The following SYNJ1 variants were observed in gnomAD, a reference collection of about 807,000 sequenced individuals.
SYNJ1 encodes synaptojanin 1, also known as polyphosphatidylinositol phosphatase SYNJ1.
A neutral mutation model predicts 168.2 loss-of-function variants in SYNJ1; 78 were observed. The ratio of observed to expected loss-of-function variants is 0.46; its 90% CI spans 0.39 to 0.56. SYNJ1 has a LOEUF of 0.56. SYNJ1 is among the 20% of genes least tolerant of loss of function. The probability of loss-of-function intolerance (pLI) is 0.00; values close to 1 mark genes in which losing one functional copy is unlikely to be tolerated. For synonymous variants in SYNJ1, 539 were observed against 548.6 expected (o/e 0.98, Z 0.24); for missense variants, 1,303 against 1,597.6 (o/e 0.82, Z 3.14).
rs1396750568 is a variant in SYNJ1, at chr21:32,713,732, A to ATCAACATGGATGATTTCCCATATG, written c.125-11709_125-11686dup. Among the ~76,000 whole-genome samples, 50 of 142,978 alleles carry ATCAACATGGATGATTTCCCATATG rather than the reference A, an allele frequency of 3.5e-4. 23 individuals carry two copies. Among genetic ancestry groups the ATCAACATGGATGATTTCCCATATG allele is most frequent in the East Asian group, 1.3e-3 (6 of 4,564 alleles). 93.8% of individuals were successfully genotyped at this position (142,978 alleles called of 152,430 possible). ...TATCAACATGGATGATTTCCCATAT[A>ATCAACATGGATGATTTCCCATATG]TCAACATGGATGATTTCCCATATGT... On this transcript the variant is annotated intron_variant, in intron 2 of 32. Transcript: ENST00000674351.
chr21:32,702,249 C>A (rs1299196445), intron 2 of SYNJ1, among the ~76,000 whole-genome samples: 1 of 152,180 alleles, frequency 6.6e-6, no homozygotes, highest in Non-Finnish European at 1.5e-5. Context: ...ATTAATTAAT[C>A]CATCCTGTCC....
intron 2 of SYNJ1, among the ~76,000 whole-genome samples, chr21:32,726,077 C>T (rs554527748): frequency 6.6e-6 from 1 of 152,250 alleles, no homozygotes; most frequent in South Asian, 2.1e-4. Context: ...CCGCCTCAAG[C>T]GATCAGCCCC....
chr21:32,634,833 C>T, intron 32 of SYNJ1, 28 bp downstream of exon 32: 1 of 1,612,554 alleles, frequency 6.2e-7, no homozygotes, highest in Non-Finnish European at 8.5e-7. Context: ...GATGAAAACA[C>T]ATGTAAGATT....
In SYNJ1 at chr21:32,657,778, C is replaced by T. The variant is rs748767686; in HGVS notation, c.2399G>A (p.Arg800His). 7.4e-6 allele frequency: 12 copies of T among 1,614,096 alleles called. No homozygotes were observed. The highest frequency in any genetic ancestry group is 5.0e-5 in the Admixed American group (3 of 60,016). Residue 800 changes from arginine (R) to histidine (H), a missense_variant, in exon 19 of 33, where the codon CGC becomes CAC. By Grantham distance (29) the Arg-to-His change is conservative. This residue lies in a region of SYNJ1 where 920 missense variants were observed against 1,208.8 expected (regional missense o/e 0.76). Transcript: ENST00000674351. The stretch of plus-strand genomic sequence containing the variant: ...GACACGGTCTGTCCAGGCAGGGGTG[C>T]GGCACTTTTCACTGGTGTCATAGTC... ...SDDYDTSEKC[R>H]TPAWTDRVLW...
chr21:32,690,601 A>G (rs2041987165), intron 6 of SYNJ1, among the ~76,000 whole-genome samples: 1 of 152,220 alleles, frequency 6.6e-6, no homozygotes. Context: ...CAATTAAAAA[A>G]AAGTTGCGGC....
chr21:32,683,787 A>G (rs996286924), intron 10 of SYNJ1, among the ~76,000 whole-genome samples: 1 of 152,142 alleles, frequency 6.6e-6, no homozygotes, highest in Non-Finnish European at 1.5e-5. Flanking sequence ...TATAAACAGC[A>G]GATTTTAAAA....
Position 32,629,149 on chromosome 21 carries a change from A to G in SYNJ1, c.*2656T>C, listed in dbSNP as rs982437286. ...TATTTTAGACAGTAGTTTATATTCAATAGGAAACATTGCTCACAGATCTGC... is the reference window on the plus strand; with the variant it reads ...TATTTTAGACAGTAGTTTATATTCAGTAGGAAACATTGCTCACAGATCTGC... On this transcript the variant is annotated 3_prime_UTR_variant, in exon 33 of 33. Transcript: ENST00000674351. 2 of 152,666 alleles carry G rather than the reference A, an allele frequency of 1.3e-5. No homozygotes were observed. Among genetic ancestry groups the G allele is most frequent in the Non-Finnish European group, 2.9e-5 (2 of 68,044 alleles). 9.5% of individuals were successfully genotyped at this position (152,666 alleles called of 1,614,324 possible). A position where few individuals can be genotyped will look rare whatever the true frequency, so the allele number is the denominator to read the frequency against.
chr21:32,695,415 C>T (rs2042166701), intron 4 of SYNJ1, 133 bp from the exon 5 acceptor site: 2 of 842,024 alleles, frequency 2.4e-6, no homozygotes, highest in Non-Finnish European at 3.6e-6. Flanking sequence ...AATTCATTTA[C>T]ATTTACTATG....
chr21:32,728,283 G>A (rs1440678072), upstream of SYNJ1: 1 of 487,358 alleles, frequency 2.1e-6, no homozygotes, highest in Non-Finnish European at 3.6e-6. Flanking sequence ...GCTCTTCAGA[G>A]CGTGAGCGCC....
chr21:32,659,679 T>A (rs954989315), intron 18 of SYNJ1, among the ~76,000 whole-genome samples: 1 of 152,150 alleles, frequency 6.6e-6, no homozygotes, highest in Non-Finnish European at 1.5e-5. Flanking sequence ...CCCTTGGAGT[T>A]GTAAGCCCTT....
At chr21:32,640,303 T>G (rs1275505119) in intron 29 of SYNJ1, among the ~76,000 whole-genome samples, 1 of 152,054 alleles carries the variant, frequency 6.6e-6, no homozygotes, top group Non-Finnish European at 1.5e-5. Flanking sequence ...TGTTTTTTTT[T>G]TGGTTTTTTT....
intron 31 of SYNJ1, among the ~76,000 whole-genome samples, chr21:32,636,984 A>G (rs572239765): frequency 6.6e-6 from 1 of 152,306 alleles, no homozygotes; most frequent in Admixed American, 6.5e-5. Flanking sequence ...CCAAATCGCT[A>G]TACTCACTTC....
intron 30 of SYNJ1, 66 bp from the exon 31 acceptor site, chr21:32,639,191 G>C (rs1459080812): frequency 6.9e-7 from 1 of 1,446,308 alleles, no homozygotes; most frequent in Admixed American, 2.2e-5. Flanking sequence ...TCCTTCTTTA[G>C]TGAAATGTTA....
Position 32,710,059 on chromosome 21 carries a change from C to A in SYNJ1, c.125-8012G>T, listed in dbSNP as rs184668377. ...TACTACAAAAAATACAAAAATTAGC[C>A]GGGCATGGTTGCAGACACCTGTAAT... On this transcript the variant is annotated intron_variant, in intron 2 of 32. Coordinates refer to ENST00000674351, the MANE Select transcript of SYNJ1 (RefSeq NM_203446.3). Among the ~76,000 whole-genome samples, 430 of 151,794 alleles carry A rather than the reference C, an allele frequency of 2.8e-3. 2 individuals are homozygous for A. Among genetic ancestry groups the A allele is most frequent in the African/African-American group, 9.7e-3 (401 of 41,444 alleles).
At chr21:32,640,238 G>C (rs1032709206) in intron 29 of SYNJ1, among the ~76,000 whole-genome samples, 5 of 152,070 alleles carry the variant, frequency 3.3e-5, no homozygotes, top group African/African-American at 9.7e-5. Flanking sequence ...CAAGGAGATA[G>C]AGAGATACAT....
At chr21:32,657,583 T>C in intron 19 of SYNJ1, 133 bp downstream of exon 19, 1 of 789,644 alleles carries the variant, frequency 1.3e-6, no homozygotes, top group South Asian at 4.3e-5. Flanking sequence ...ATCTGACATA[T>C]TTAAATTTTA....
chr21:32,688,895 T>C lies in SYNJ1; in HGVS notation c.790-528A>G, dbSNP rs111630594. ...GTTTTCTTCTCTACTATGTTGAATA[T>C]TCTATTCACACCAAAGTTCCACCAA... On this transcript the variant is annotated intron_variant, in intron 6 of 32. Transcript: ENST00000674351. Among the ~76,000 whole-genome samples the C allele has an allele frequency of 7.4e-4, 113 of 152,328 alleles. 1 individual carries two copies. The highest frequency in any genetic ancestry group is 2.6e-3 in the African/African-American group (108 of 41,578).
rs991633537 is a variant in SYNJ1, at chr21:32,664,954, T to C, written c.2263A>G (p.Ile755Val). 6 of 1,613,402 alleles carry C rather than the reference T, an allele frequency of 3.7e-6. No individual in the cohort carries two copies. In the African/African-American group the frequency reaches 6.7e-5, roughly 18 times the overall value. ...TGATTGATAAGTTGATCTCCTGCTA[T>C]AAGAGAATCCCAATTTTGCTGTCTT... ...LIRQQNWDSL[I>V]AGDQLINQKN... The change falls in exon 18 of 33, where the codon ATA (isoleucine) becomes GTA (valine). Residue 755 changes from isoleucine to valine, a missense_variant. Coordinates refer to ENST00000674351, the MANE Select transcript of SYNJ1 (RefSeq NM_203446.3).
rs2145775202 is a variant in SYNJ1, at chr21:32,645,653, CGGA to C, written c.3381_3383del (p.Pro1129del). On this transcript the variant is annotated inframe_deletion, in exon 25 of 33. Coordinates refer to ENST00000674351, the MANE Select transcript of SYNJ1 (RefSeq NM_203446.3). ...GAAATAAAAGGTTGTCACCTGAAGG[CGGA>C]GGAGGTCTCTGTGGGGGAGCCGGGC... The C allele has an allele frequency of 6.5e-6, 10 of 1,527,072 alleles. No individual in the cohort carries two copies. Among genetic ancestry groups the C allele is most frequent in the East Asian group, 2.4e-5 (1 of 42,122 alleles). 94.6% of individuals were successfully genotyped at this position (1,527,072 alleles called of 1,614,324 possible).
Sources: allele counts gnomAD v4.1 joint callset (sites outside exome capture counted in the v4.1 genomes callset), GRCh38; gene constraint gnomAD v4.1.1; regional missense constraint gnomAD v4.1.1; transcripts MANE v1.5; gene names NCBI Gene and HGNC (gene_info 2026-07-23, HGNC 2026-07-21).